DIAPH3: variants seen among roughly 807,000 people sequenced by gnomAD.
DIAPH3 encodes protein diaphanous homolog 3.
In DIAPH3, 117 loss-of-function variants were observed where a neutral mutation model predicts 144.3. The ratio of observed to expected loss-of-function variants is 0.81; its 90% CI spans 0.70 to 0.95. The LOEUF (loss-of-function observed/expected upper bound fraction) is 0.95, where lower values mean the gene tolerates loss of function less well. Among genes scored for constraint, DIAPH3 ranks in the 40% least tolerant of loss-of-function variants. The probability of loss-of-function intolerance (pLI) is 0.00; values close to 1 mark genes in which losing one functional copy is unlikely to be tolerated. For synonymous variants in DIAPH3, 519 were observed against 488.9 expected, an observed-to-expected ratio of 1.06 and a Z score of -0.81; for missense variants, 1,421 against 1,412.7, an observed-to-expected ratio of 1.01 and a Z score of -0.09.
At chr13:59,839,095 AAAATAAATAAAT>A in intron 23 of DIAPH3, 2 of 405,886 alleles carry the variant, frequency 4.9e-6, no homozygotes, top group South Asian at 5.1e-5. Context: ...TGGGTTTCAA[AAAATAAATAAAT>A]AAATAAATAA....
At chr13:60,055,907 T>C (rs1320985173) in intron 4 of DIAPH3, among the ~76,000 whole-genome samples, 1 of 151,864 alleles carries the variant, frequency 6.6e-6, no homozygotes, top group African/African-American at 2.4e-5. Context: ...TTTGCATAGT[T>C]ATTTTTTGTA....
chr13:59,902,363 C>T (rs573203211), intron 20 of DIAPH3, among the ~76,000 whole-genome samples: 3 of 152,198 alleles, frequency 2.0e-5, no homozygotes, highest in East Asian at 1.9e-4. Flanking sequence ...CCATGTAAGA[C>T]GTGCCTGTTT....
At chr13:59,991,116 T>G (rs1378312787) in intron 12 of DIAPH3, 42 bp downstream of exon 12, 2 of 1,270,320 alleles carry the variant, frequency 1.6e-6, no homozygotes, top group Non-Finnish European at 2.3e-6. Flanking sequence ...TTAATAGATT[T>G]TTATTAGTGA....
At chr13:59,773,603 CAG>C (rs2038233246) in intron 27 of DIAPH3, among the ~76,000 whole-genome samples, 1 of 152,164 alleles carries the variant, frequency 6.6e-6, no homozygotes, top group African/African-American at 2.4e-5. Flanking sequence ...CTGAACAGAG[CAG>C]AGAGTTCTAT....
intron 20 of DIAPH3, among the ~76,000 whole-genome samples, chr13:59,890,570 T>C (rs1042757471): frequency 6.6e-6 from 1 of 151,960 alleles, no homozygotes; most frequent in African/African-American, 2.4e-5. Context: ...TTTACTATAA[T>C]TTCCGTTTTT....
rs140175101 is a variant in DIAPH3, at chr13:60,027,636, C to G, written c.627-11491G>C. ...AGTAAAACAAGTATGGATTTTAAAA[C>G]ATAGATACTGGTATGTGCTCTAATC... On this transcript the variant is annotated intron_variant, in intron 5 of 27. Transcript: ENST00000400324. Among the ~76,000 whole-genome samples, 10 of 152,134 alleles carry G rather than the reference C, an allele frequency of 6.6e-5. No homozygotes were observed. The East Asian group carries it at 1.7e-3, about 26-fold the overall frequency.
At chr13:59,763,909 T>C (rs1311825548) in intron 27 of DIAPH3, among the ~76,000 whole-genome samples, 1 of 152,070 alleles carries the variant, frequency 6.6e-6, no homozygotes, top group Non-Finnish European at 1.5e-5. Flanking sequence ...AACTAATGGG[T>C]TTCTCTGTGT....
At chr13:60,140,916 G>T (rs532428378) in intron 1 of DIAPH3, among the ~76,000 whole-genome samples, 1 of 151,864 alleles carries the variant, frequency 6.6e-6, no homozygotes, top group South Asian at 2.1e-4. Flanking sequence ...CACATTATTC[G>T]TCTGTTTTCT....
intron 4 of DIAPH3, among the ~76,000 whole-genome samples, chr13:60,047,327 T>A (rs972999654): frequency 6.6e-6 from 1 of 152,096 alleles, no homozygotes; most frequent in African/African-American, 2.4e-5. Flanking sequence ...ATCAAGTGTT[T>A]TGTAGAAATT....
At chr13:60,109,121 G>C (rs1385747924) in intron 3 of DIAPH3, among the ~76,000 whole-genome samples, 3 of 152,088 alleles carry the variant, frequency 2.0e-5, no homozygotes, top group Non-Finnish European at 4.4e-5. Context: ...ACACTGAGAG[G>C]AAGTAAAAGA....
At chr13:60,048,672 T>A in intron 4 of DIAPH3, among the ~76,000 whole-genome samples, 1 of 57,724 alleles carries the variant, frequency 1.7e-5, no homozygotes, top group Non-Finnish European at 3.5e-5. Flanking sequence ...GTTACTAGAG[T>A]AGTGAGAATT....
intron 20 of DIAPH3, among the ~76,000 whole-genome samples, chr13:59,909,410 GGAGAGCAAAAGTT>G (rs1295563278): frequency 6.8e-6 from 1 of 147,262 alleles, no homozygotes; most frequent in Non-Finnish European, 1.5e-5. Context: ...ACTTCTCTTT[GGAGAGCAAAAGTT>G]GAGAAGTAGT....
At chr13:59,805,872 T>C (rs989598008) in intron 25 of DIAPH3, among the ~76,000 whole-genome samples, 3 of 152,000 alleles carry the variant, frequency 2.0e-5, no homozygotes, top group Non-Finnish European at 4.4e-5. Context: ...CATTCTGAAA[T>C]GATAGTGATA....
chr13:60,072,227 C>G (rs2057236312), intron 4 of DIAPH3, among the ~76,000 whole-genome samples: 1 of 152,172 alleles, frequency 6.6e-6, no homozygotes, highest in South Asian at 2.1e-4. Context: ...TGCCCTCTTC[C>G]TAGACTATCT....
intron 27 of DIAPH3, among the ~76,000 whole-genome samples, chr13:59,693,546 T>G (rs528713890): frequency 6.6e-6 from 1 of 152,168 alleles, no homozygotes; most frequent in Non-Finnish European, 1.5e-5. Context: ...ATGGTCTTTA[T>G]ATAGTATCGG....
intron 17 of DIAPH3, among the ~76,000 whole-genome samples, chr13:59,939,484 G>A (rs531269273): frequency 2.0e-5 from 3 of 152,268 alleles, no homozygotes; most frequent in Non-Finnish European, 4.4e-5. Context: ...ACTTTTACAT[G>A]AAAGGAAGAT....
At chr13:60,096,437 G>C (rs1420993896) in intron 3 of DIAPH3, among the ~76,000 whole-genome samples, 4 of 152,184 alleles carry the variant, frequency 2.6e-5, no homozygotes, top group African/African-American at 9.7e-5. Context: ...ATACAAAAAA[G>C]TGGTTGTGAT....
chr13:60,050,191 C>A (rs539715653), intron 4 of DIAPH3, among the ~76,000 whole-genome samples: 2 of 151,922 alleles, frequency 1.3e-5, no homozygotes, highest in East Asian at 3.9e-4. Flanking sequence ...AAAACTGTGT[C>A]TCAAAAAAAG....
intron 21 of DIAPH3, among the ~76,000 whole-genome samples, chr13:59,869,327 T>C (rs2044118340): frequency 6.6e-6 from 1 of 152,232 alleles, no homozygotes; most frequent in East Asian, 1.9e-4. Context: ...GACAGAAAAA[T>C]TACAACTCCA....
Sources: gnomAD v4.1 joint callset for allele counts (sites outside exome capture counted in the v4.1 genomes callset) on GRCh38, gnomAD v4.1.1 for gene constraint, MANE v1.5 for transcripts, NCBI Gene and HGNC (gene_info 2026-07-23, HGNC 2026-07-21) for gene names.